Variants in BIN3 observed in about 807,000 individuals in gnomAD.
The protein encoded by BIN3 is bridging integrator 3.
In BIN3, 41 loss-of-function variants were observed where a neutral mutation model predicts 38.2. The ratio of observed to expected loss-of-function variants is 1.07; its 90% CI spans 0.84 to 1.39. The LOEUF is 1.39. Ranked by LOEUF, BIN3 falls within the 40% of genes most tolerant of loss-of-function variation. BIN3 has a pLI of 0.00. For synonymous variants in BIN3, 145 were observed against 122.6 expected, an observed-to-expected ratio of 1.18 and a Z score of -1.21; for missense variants, 361 against 324.3, an observed-to-expected ratio of 1.11 and a Z score of -0.87.
chr8:22,636,371 G>A (rs1251433503), intron 4 of BIN3, among the ~76,000 whole-genome samples, 154 bp downstream of exon 4: 1 of 152,200 alleles, frequency 6.6e-6, no homozygotes, highest in Non-Finnish European at 1.5e-5. Flanking sequence ...GGATGTGACT[G>A]GTGAGGAGTG....
intron 2 of BIN3, among the ~76,000 whole-genome samples, chr8:22,638,502 C>A (rs1448992949): frequency 6.6e-6 from 1 of 152,138 alleles, no homozygotes; most frequent in Non-Finnish European, 1.5e-5. Context: ...TCTGGGGATA[C>A]CCTGGTGATT....
rs965617197 is a variant in BIN3 at position 22,621,471 on chromosome 8, T to C, written c.713A>G (p.Glu238Gly). 6.2e-7 allele frequency: 1 copy of C among 1,613,776 alleles called. No individual in the cohort carries two copies. Among genetic ancestry groups the C allele is most frequent in the African/African-American group, 1.3e-5 (1 of 74,954 alleles). ...HSDEQREREN[E>G]AKLSELRALS... The stretch of plus-strand genomic sequence containing the variant: ...GGCCCGGAGCTCACTGAGTTTGGCC[T>C]CGTTCTCCCGCTCCCGCTGCTCATC... Residue 238 changes from glutamate to glycine, a missense_variant, in exon 9 of 9, where the codon GAG (glutamate) becomes GGG (glycine). Transcript: ENST00000276416.
intron 1 of BIN3, among the ~76,000 whole-genome samples, chr8:22,645,748 T>C (rs1327459012): frequency 6.6e-6 from 1 of 152,244 alleles, no homozygotes; most frequent in East Asian, 1.9e-4. Flanking sequence ...TATTAGGTGC[T>C]TTGCTACTTC....
At chr8:22,648,022 C>G (rs1488823187) in intron 1 of BIN3, among the ~76,000 whole-genome samples, 1 of 151,232 alleles carries the variant, frequency 6.6e-6, no homozygotes, top group African/African-American at 2.4e-5. Context: ...GTAGTCCCAG[C>G]TACTCAGGAG....
chr8:22,660,952 A>G (rs1803216949), intron 1 of BIN3, among the ~76,000 whole-genome samples: 1 of 152,114 alleles, frequency 6.6e-6, no homozygotes, highest in African/African-American at 2.4e-5. Context: ...TGGTGTGATC[A>G]TAGCTCGCCG....
intron 1 of BIN3, among the ~76,000 whole-genome samples, chr8:22,663,784 T>G (rs1350701717): frequency 6.6e-6 from 1 of 152,210 alleles, no homozygotes; most frequent in Non-Finnish European, 1.5e-5. Flanking sequence ...CACACCTTTT[T>G]CATGCCATGC....
chr8:22,660,409 G>A (rs1013773007), intron 1 of BIN3, among the ~76,000 whole-genome samples: 20 of 152,222 alleles, frequency 1.3e-4, no homozygotes, highest in Non-Finnish European at 2.6e-4. Context: ...GCACCAGACC[G>A]GCTGTTTAGC....
In BIN3 at chr8:22,621,368, C is replaced by G; in HGVS notation, c.*54G>C. The G allele has an allele frequency of 6.4e-7, 1 of 1,571,662 alleles. No individual in the cohort carries two copies. The highest frequency in any genetic ancestry group is 8.6e-7 in the Non-Finnish European group (1 of 1,158,134). Reference sequence around the variant, plus strand: ...GAGGAGCAGCTAGCCCTGAGAAGGGCAAGGATGAATGAGGCTGACCACGTC... The same window carrying G: ...GAGGAGCAGCTAGCCCTGAGAAGGGGAAGGATGAATGAGGCTGACCACGTC... On this transcript the variant is annotated 3_prime_UTR_variant, in exon 9 of 9. Transcript: ENST00000276416.
chr8:22,652,442 T>C (rs1802932216), intron 1 of BIN3, among the ~76,000 whole-genome samples: 1 of 152,248 alleles, frequency 6.6e-6, no homozygotes, highest in East Asian at 1.9e-4. Flanking sequence ...CTTCCAACCT[T>C]CTGCCATTCT....
At chr8:22,636,635 C>T in intron 3 of BIN3, 49 bp from the exon 4 acceptor site, 1 of 1,538,674 alleles carries the variant, frequency 6.5e-7, no homozygotes. Flanking sequence ...TTCCCCCTAC[C>T]TGAGCGAAGC....
rs1801791626 is a variant in BIN3 at position 22,621,199 on chromosome 8, G to A, written c.*223C>T. 1.7e-6 allele frequency: 1 copy of A among 586,898 alleles called. No homozygotes were observed. The highest frequency in any genetic ancestry group is 3.0e-6 in the Non-Finnish European group (1 of 335,932). 36.4% of individuals were successfully genotyped at this position (586,898 alleles called of 1,614,324 possible). Reference sequence around the variant, plus strand: ...GTTCTCCAAATAAAAAAGCCCCAAGGGTTTGTCTACACTGCTTACCTGCTG... The same window carrying A: ...GTTCTCCAAATAAAAAAGCCCCAAGAGTTTGTCTACACTGCTTACCTGCTG... On this transcript the variant is annotated 3_prime_UTR_variant, in exon 9 of 9. Coordinates refer to ENST00000276416, the MANE Select transcript of BIN3 (RefSeq NM_018688.6).
chr8:22,628,329 C>T (rs1181356295), intron 6 of BIN3, among the ~76,000 whole-genome samples: 1 of 152,212 alleles, frequency 6.6e-6, no homozygotes, highest in African/African-American at 2.4e-5. Context: ...CTGGAGTTTC[C>T]TGTTTCCGGT....
At chr8:22,666,849 C>T (rs926406422) in intron 1 of BIN3, among the ~76,000 whole-genome samples, 6 of 152,208 alleles carry the variant, frequency 3.9e-5, no homozygotes, top group African/African-American at 1.4e-4. Flanking sequence ...CCTTGGGCAT[C>T]AGCCTCCCAT....
Position 22,624,250 on chromosome 8 carries a change from G to C in BIN3, c.452C>G (p.Thr151Arg), listed in dbSNP as rs371543413. The C allele has an allele frequency of 6.2e-7, 1 of 1,613,870 alleles. No homozygotes were observed. The highest frequency in any genetic ancestry group is 2.2e-5 in the East Asian group (1 of 44,876). ...KVEKYEEKEK[T>R]GPVLAKLHQA... Reference sequence around the variant, plus strand: ...GTGGAGCTTGGCCAGCACTGGCCCCGTCTTCTCCTTTTCCTCATACTTCTC... The same window carrying C: ...GTGGAGCTTGGCCAGCACTGGCCCCCTCTTCTCCTTTTCCTCATACTTCTC... Residue 151 changes from threonine (T) to arginine (R), a missense_variant, in exon 7 of 9, where the codon ACG (threonine) becomes AGG (arginine). By Grantham distance (71) the Thr-to-Arg change is moderately conservative (BLOSUM62 -1). Coordinates refer to ENST00000276416, the MANE Select transcript of BIN3 (RefSeq NM_018688.6).
intron 6 of BIN3, among the ~76,000 whole-genome samples, chr8:22,629,062 C>T (rs1011728384): frequency 1.3e-5 from 2 of 152,216 alleles, no homozygotes; most frequent in South Asian, 2.1e-4. Flanking sequence ...TAGGGTCAGG[C>T]GGGCCTTTTC....
intron 8 of BIN3, among the ~76,000 whole-genome samples, chr8:22,621,969 C>T (rs932596561): frequency 5.3e-5 from 8 of 152,344 alleles, no homozygotes; most frequent in Admixed American, 4.6e-4. Context: ...CTCCCAAAGC[C>T]CTAAGCCAGC....
At chr8:22,659,110 C>T (rs535698645) in intron 1 of BIN3, among the ~76,000 whole-genome samples, 22 of 152,358 alleles carry the variant, frequency 1.4e-4, no homozygotes, top group African/African-American at 2.9e-4. Flanking sequence ...CATCTAGGTC[C>T]GGCAGAACAG....
intron 1 of BIN3, among the ~76,000 whole-genome samples, chr8:22,652,559 G>A (rs1349477627): frequency 1.3e-5 from 2 of 152,222 alleles, no homozygotes; most frequent in African/African-American, 4.8e-5. Flanking sequence ...CACTCTGAGG[G>A]TGTGCGTTCA....
chr8:22,641,416 GTGAATGAA>G (rs1802555937), intron 2 of BIN3, among the ~76,000 whole-genome samples: 1 of 152,194 alleles, frequency 6.6e-6, no homozygotes, highest in African/African-American at 2.4e-5. Context: ...TCAGTATGAA[GTGAATGAA>G]CAGGCTGAGT....
Sources: allele counts gnomAD v4.1 joint callset (sites outside exome capture counted in the v4.1 genomes callset), GRCh38; gene constraint gnomAD v4.1.1; transcripts MANE v1.5; gene names NCBI Gene and HGNC (gene_info 2026-07-23, HGNC 2026-07-21).